The following FAM186A variants were observed in gnomAD, a reference collection of about 807,000 sequenced individuals.
FAM186A encodes family with sequence similarity 186 member A, also known as protein FAM186A.
In FAM186A, 163 loss-of-function variants were observed where a neutral mutation model predicts 216.8. The observed-to-expected ratio is 0.75, with a 90% CI of 0.66 to 0.86. The LOEUF is 0.86. Among genes scored for constraint, FAM186A ranks in the 40% least tolerant of loss-of-function variants. The probability of loss-of-function intolerance (pLI) is 0.00; values close to 1 mark genes in which losing one functional copy is unlikely to be tolerated. For missense variants in FAM186A, 2,184 were observed against 2,746.2 expected (o/e 0.80, Z 4.58); for synonymous variants, 805 against 1,025.3 (o/e 0.79, Z 4.10).
At position 50,366,181 on chromosome 12, in the gene FAM186A, A is replaced by G; in HGVS notation, c.193-2817T>C. The G allele has an allele frequency of 1.5e-5, 9 of 589,962 alleles. 1 individual carries two copies. In the South Asian group the frequency reaches 1.9e-4, roughly 13 times the overall value. 36.5% of individuals were successfully genotyped at this position (589,962 alleles called of 1,614,324 possible). A position where few individuals can be genotyped will look rare whatever the true frequency, so the allele number is the denominator to read the frequency against. ...GCCAAACAAATCATCATGCAAAATG[A>G]GTATTCTGATGTTAGGTGTATTTGC... On this transcript the variant is annotated intron_variant, in intron 1 of 7. Transcript: ENST00000327337.
chr12:50,343,301 C>T (rs1942782552), intron 4 of FAM186A, among the ~76,000 whole-genome samples: 1 of 152,116 alleles, frequency 6.6e-6, no homozygotes, highest in African/African-American at 2.4e-5. Flanking sequence ...CTTAGCTTCC[C>T]AAGGTGCTGT....
At chr12:50,344,012 A>G (rs1478816319) in intron 4 of FAM186A, among the ~76,000 whole-genome samples, 1 of 149,460 alleles carries the variant, frequency 6.7e-6, no homozygotes, top group Admixed American at 6.7e-5. Context: ...TTGGCCTCCC[A>G]AAGTACTAGG....
intron 1 of FAM186A, among the ~76,000 whole-genome samples, chr12:50,368,009 A>G (rs1292575819): frequency 6.6e-6 from 1 of 151,356 alleles, no homozygotes; most frequent in Non-Finnish European, 1.5e-5. Flanking sequence ...TTCAGCTATG[A>G]TGGTGGGTGT....
intron 1 of FAM186A, among the ~76,000 whole-genome samples, chr12:50,388,943 G>A (rs1455039116): frequency 1.3e-5 from 2 of 151,642 alleles, no homozygotes; most frequent in South Asian, 2.1e-4. Context: ...CCAGCTACTC[G>A]GAAGTCCGAA....
rs558450201 is a variant in FAM186A, at chr12:50,352,167, G to A, written c.4665C>T (p.Leu1555=). Residue 1555 remains leucine (L), a synonymous_variant, in exon 4 of 8, where the codon CTC becomes CTT. Coordinates refer to ENST00000327337, the MANE Select transcript of FAM186A (RefSeq NM_001145475.3). ...CCAATTCCTGAGCCTGCGGAGGGAT[G>A]AGAGGGATCCCCAGGGCCTGGACCT... The part of the protein sequence containing the change: ...PQQVQALGIP[L]IPPQAQELEI... 2 of 1,525,738 alleles carry A rather than the reference G, an allele frequency of 1.3e-6. No homozygotes were observed. Among genetic ancestry groups the A allele is most frequent in the Admixed American group, 2.0e-5 (1 of 49,174 alleles). The allele number at this position is 1,525,738 out of a possible 1,614,324, so 94.5% of individuals were successfully genotyped here. A position where few individuals can be genotyped will look rare whatever the true frequency, so the allele number is the denominator to read the frequency against.
chr12:50,366,709 T>TTA lies in FAM186A; in HGVS notation c.193-3346_193-3345insTA, dbSNP rs1555217587. 1.8e-3 allele frequency among the ~76,000 whole-genome samples: 260 copies of TTA among 141,200 alleles called. 1 individual carries two copies. The highest frequency in any genetic ancestry group is 6.2e-3 in the African/African-American group (237 of 37,972). 92.6% of individuals were successfully genotyped at this position (141,200 alleles called of 152,430 possible). ...AAAATATTTAACACCCTTTCATTAT[T>TTA]AAAAAAAAAAAATACACAAGAGGCT... On this transcript the variant is annotated intron_variant, in intron 1 of 7. Transcript: ENST00000327337.
Position 50,351,730 on chromosome 12 carries a change from G to A in FAM186A, c.5102C>T (p.Ser1701Leu), listed in dbSNP as rs201296648. 1,326 of 1,551,448 alleles carry A rather than the reference G, an allele frequency of 8.5e-4. 21 individuals carry two copies. The South Asian group carries it at 0.012, about 13-fold the overall frequency. The change falls in exon 4 of 8, where the codon TCG becomes TTG. Residue 1701 changes from serine to leucine, a missense_variant. By Grantham distance (145) the Ser-to-Leu change is moderately radical. Transcript: ENST00000327337. ...CTGGACTTGCTTAAGGGTGAGGGGC[G>A]ATCCCAAGGTATGGGCTTTATCTAA... The part of the protein sequence containing the change: ...LTLDKAHTLG[S>L]PLTLKQVQWS...
At chr12:50,337,864 C>T (rs1942725444) in intron 4 of FAM186A, among the ~76,000 whole-genome samples, 1 of 151,926 alleles carries the variant, frequency 6.6e-6, no homozygotes, top group African/African-American at 2.4e-5. Flanking sequence ...CCACTGCATT[C>T]CAGCCTGGCG....
chr12:50,329,763 ATGT>A (rs1405176772), intron 7 of FAM186A, among the ~76,000 whole-genome samples: 2 of 151,976 alleles, frequency 1.3e-5, no homozygotes, highest in Non-Finnish European at 2.9e-5. Context: ...TGCCCAGCTA[ATGT>A]TGTATTTTTA....
chr12:50,376,651 C>T (rs1380027962), intron 1 of FAM186A, among the ~76,000 whole-genome samples: 5 of 151,946 alleles, frequency 3.3e-5, no homozygotes, highest in African/African-American at 1.2e-4. Context: ...ATCTGATCGG[C>T]CAAAAGGCAT....
Position 50,355,473 on chromosome 12 carries a change from A to G in FAM186A, c.1359T>C (p.Asp453=), listed in dbSNP as rs1942965184. 6.4e-7 allele frequency: 1 copy of G among 1,551,278 alleles called. No homozygotes were observed. Among genetic ancestry groups the G allele is most frequent in the Admixed American group, 2.0e-5 (1 of 50,936 alleles). The change falls in exon 4 of 8, where the codon GAT becomes GAC. Residue 453 remains aspartate, a synonymous_variant. Transcript: ENST00000327337. ...KGDFYQEDET[D]EYQSWKRSHK... ...GGCTTCTTTTCCATGATTGATACTCATCAGTCTCATCTTCCTGATAGAAAT... is the reference window on the plus strand; with the variant it reads ...GGCTTCTTTTCCATGATTGATACTCGTCAGTCTCATCTTCCTGATAGAAAT...
chr12:50,376,099 G>GC (rs1273216277), intron 1 of FAM186A, among the ~76,000 whole-genome samples: 2 of 152,202 alleles, frequency 1.3e-5, no homozygotes, highest in African/African-American at 4.8e-5. Context: ...AGGTTCTGCT[G>GC]CAGGCACCAG....
intron 4 of FAM186A, among the ~76,000 whole-genome samples, chr12:50,335,594 A>G (rs1317005752): frequency 6.6e-6 from 1 of 151,940 alleles, no homozygotes; most frequent in Non-Finnish European, 1.5e-5. Context: ...CAGTGAGCCG[A>G]GATCGTGCCA....
Position 50,354,881 on chromosome 12 carries a change from A to C in FAM186A, c.1951T>G (p.Ser651Ala). 1 of 1,550,264 alleles carries C rather than the reference A, an allele frequency of 6.5e-7. No homozygotes were observed. The highest frequency in any genetic ancestry group is 8.7e-7 in the Non-Finnish European group (1 of 1,146,812). Residue 651 changes from serine (S) to alanine (A), a missense_variant, in exon 4 of 8, where the codon TCA becomes GCA. This residue lies in a region of FAM186A where 1,132 missense variants were observed against 1,263.4 expected (regional missense o/e 0.90). Transcript: ENST00000327337. ...CTTTCTAGAACTCTGGTAGATTCTGAAGTCTCTTTAGCCACTCTTGAGAGT... is the reference window on the plus strand; with the variant it reads ...CTTTCTAGAACTCTGGTAGATTCTGCAGTCTCTTTAGCCACTCTTGAGAGT... The part of the protein sequence containing the change: ...KSLSRVAKET[S>A]ESTRVLESPD...
At chr12:50,373,096 A>AAAG (rs1156376285) in intron 1 of FAM186A, among the ~76,000 whole-genome samples, 1 of 127,060 alleles carries the variant, frequency 7.9e-6, no homozygotes, top group Non-Finnish European at 1.8e-5. Context: ...GAAAGAAAGA[A>AAAG]AAGAAAGAAA....
intron 4 of FAM186A, among the ~76,000 whole-genome samples, chr12:50,347,748 A>ATC (rs1942833936): frequency 6.6e-6 from 1 of 152,062 alleles, no homozygotes; most frequent in Non-Finnish European, 1.5e-5. Flanking sequence ...ATGGCAGGAA[A>ATC]ATTGTTACCT....
In FAM186A at chr12:50,354,112, T is replaced by C. The variant is rs774589140; in HGVS notation, c.2720A>G (p.Gln907Arg). Reference sequence around the variant, plus strand: ...TTCTTCCTCCTGTCCTCTTTGCTTTTGCTTTTCCTCTTGCTCAGCCTGCTT... The same window carrying C: ...TTCTTCCTCCTGTCCTCTTTGCTTTCGCTTTTCCTCTTGCTCAGCCTGCTT... ...TPKQAEQEEKQKQRGQEEEEL... is the reference protein window; with the variant it reads ...TPKQAEQEEKRKQRGQEEEEL... Residue 907 changes from glutamine (Q) to arginine (R), a missense_variant, in exon 4 of 8, where the codon CAA (glutamine) becomes CGA (arginine). By Grantham distance (43) the Gln-to-Arg change is conservative. Coordinates refer to ENST00000327337, the MANE Select transcript of FAM186A (RefSeq NM_001145475.3). 5.2e-6 allele frequency: 8 copies of C among 1,551,660 alleles called. No homozygotes were observed. In the East Asian group the frequency reaches 2.0e-4, roughly 38 times the overall value.
intron 4 of FAM186A, among the ~76,000 whole-genome samples, chr12:50,346,262 A>G (rs184459289): frequency 6.6e-6 from 1 of 150,792 alleles, no homozygotes; most frequent in Non-Finnish European, 1.5e-5. Flanking sequence ...AGAAAGAAAG[A>G]AAGTCATACA....
At chr12:50,357,182 C>G (rs1942986306) in intron 3 of FAM186A, among the ~76,000 whole-genome samples, 1 of 152,044 alleles carries the variant, frequency 6.6e-6, no homozygotes, top group African/African-American at 2.4e-5. Flanking sequence ...TGCCTTGGTT[C>G]TTTCAAAAGT....
Sources: allele counts gnomAD v4.1 joint callset (sites outside exome capture counted in the v4.1 genomes callset), GRCh38; gene constraint gnomAD v4.1.1; regional missense constraint gnomAD v4.1.1; transcripts MANE v1.5; gene names NCBI Gene and HGNC (gene_info 2026-07-23, HGNC 2026-07-21).